Variants in RALYL observed in about 807,000 individuals in gnomAD.
The protein encoded by RALYL is RALY RNA binding protein like.
Under a neutral mutation model 35.1 loss-of-function variants are expected in RALYL, and 29 were observed. The observed-to-expected ratio is 0.83, with a 90% CI of 0.61 to 1.13. RALYL has a LOEUF of 1.13. Ranked by LOEUF, RALYL falls within the 50% of genes most tolerant of loss-of-function variation. RALYL has a pLI of 0.00. For synonymous variants in RALYL, 120 were observed against 127.6 expected (o/e 0.94, Z 0.40); for missense variants, 359 against 360.4 (o/e 1.00, Z 0.03).
intron 1 of RALYL, among the ~76,000 whole-genome samples, chr8:84,251,566 A>G (rs1200916227): frequency 6.6e-6 from 1 of 152,086 alleles, no homozygotes; most frequent in East Asian, 1.9e-4. Context: ...CCATTAAAAA[A>G]CATTCCACTT....
At chr8:84,697,554 G>T (rs1839389128) in intron 2 of RALYL, among the ~76,000 whole-genome samples, 2 of 151,964 alleles carry the variant, frequency 1.3e-5, no homozygotes, top group South Asian at 4.1e-4. Context: ...GGCTTTACTT[G>T]AATATCTTTA....
chr8:84,523,462 T>C (rs1269191570), intron 1 of RALYL, among the ~76,000 whole-genome samples: 2 of 152,192 alleles, frequency 1.3e-5, no homozygotes, highest in East Asian at 1.9e-4. Context: ...GGACAATCCA[T>C]ATCACCTGGG....
chr8:84,420,291 G>A (rs2132366052), intron 1 of RALYL, among the ~76,000 whole-genome samples: 1 of 152,178 alleles, frequency 6.6e-6, no homozygotes, highest in Non-Finnish European at 1.5e-5. Flanking sequence ...TTTCTCTGAT[G>A]GCCACTGATG....
chr8:84,915,350 C>G (rs1848301675), intron 8 of RALYL, among the ~76,000 whole-genome samples: 2 of 152,030 alleles, frequency 1.3e-5, no homozygotes, highest in Non-Finnish European at 2.9e-5. Context: ...CTGCCTTACT[C>G]TCTCTTGCCA....
chr8:84,238,627 C>T (rs182756974), intron 1 of RALYL, among the ~76,000 whole-genome samples: 4 of 152,068 alleles, frequency 2.6e-5, no homozygotes, highest in East Asian at 1.9e-4. Flanking sequence ...TCAGAGAGGG[C>T]GTTGACTGAG....
At chr8:84,254,158 C>A (rs1830775599) in intron 1 of RALYL, among the ~76,000 whole-genome samples, 1 of 152,190 alleles carries the variant, frequency 6.6e-6, no homozygotes, top group East Asian at 1.9e-4. Flanking sequence ...AGACCATGTT[C>A]CTTTTACCTC....
chr8:84,706,176 G>A (rs1380592629), intron 2 of RALYL: 2 of 973,820 alleles, frequency 2.1e-6, no homozygotes. Flanking sequence ...AAAAGATACT[G>A]TAGCTTTTCT....
At chr8:84,650,866 T>C (rs1828636268) in intron 2 of RALYL, among the ~76,000 whole-genome samples, 1 of 152,034 alleles carries the variant, frequency 6.6e-6, no homozygotes, top group Non-Finnish European at 1.5e-5. Context: ...ATGTGGCACA[T>C]ATACACCATG....
intron 4 of RALYL, among the ~76,000 whole-genome samples, chr8:84,823,925 C>T (rs1228101220): frequency 6.6e-6 from 1 of 152,090 alleles, no homozygotes; most frequent in Non-Finnish European, 1.5e-5. Context: ...CAGACAAAAA[C>T]TGGAAGCATT....
At chr8:84,343,934 A>C (rs1027726993) in intron 1 of RALYL, among the ~76,000 whole-genome samples, 2 of 151,868 alleles carry the variant, frequency 1.3e-5, no homozygotes, top group African/African-American at 4.8e-5. Context: ...AACTTATATA[A>C]AAGTTTAAAG....
chr8:84,840,018 A>G (rs1832868903), intron 4 of RALYL, among the ~76,000 whole-genome samples: 1 of 152,178 alleles, frequency 6.6e-6, no homozygotes, highest in Non-Finnish European at 1.5e-5. Flanking sequence ...AAGATGGGGA[A>G]AAAACAGAGC....
intron 4 of RALYL, chr8:84,829,335 A>C (rs978784243): frequency 6.6e-6 from 1 of 152,462 alleles, no homozygotes; most frequent in East Asian, 1.9e-4. Flanking sequence ...CAGCCAAACC[A>C]TATCATCAGT....
intron 1 of RALYL, among the ~76,000 whole-genome samples, chr8:84,322,422 C>A (rs1288188149): frequency 6.6e-6 from 1 of 152,088 alleles, no homozygotes; most frequent in South Asian, 2.1e-4. Context: ...TCTTACTGAG[C>A]TTTTACTGTA....
intron 1 of RALYL, among the ~76,000 whole-genome samples, chr8:84,195,779 G>A (rs1192658702): frequency 6.6e-6 from 1 of 151,892 alleles, no homozygotes; most frequent in African/African-American, 2.4e-5. Context: ...CAAGTGAGAG[G>A]AACAACAGCA....
chr8:84,424,180 G>C (rs948707202), intron 1 of RALYL, among the ~76,000 whole-genome samples: 17 of 149,878 alleles, frequency 1.1e-4, no homozygotes, highest in African/African-American at 3.4e-4. Context: ...ATCACTTTCA[G>C]GTACACCAAT....
chr8:84,221,685 T>A (rs1039029618), intron 1 of RALYL, among the ~76,000 whole-genome samples: 3 of 152,078 alleles, frequency 2.0e-5, no homozygotes, highest in Non-Finnish European at 4.4e-5. Context: ...GGAGTCCACG[T>A]GATATAAATG....
intron 7 of RALYL, among the ~76,000 whole-genome samples, chr8:84,881,091 G>A (rs541309609): frequency 6.6e-6 from 1 of 151,632 alleles, no homozygotes; most frequent in African/African-American, 2.4e-5. Flanking sequence ...AACAATCTAG[G>A]GTATTTCATG....
intron 1 of RALYL, among the ~76,000 whole-genome samples, chr8:84,218,001 T>C (rs752319997): frequency 1.3e-5 from 2 of 152,094 alleles, no homozygotes; most frequent in South Asian, 4.1e-4. Context: ...ATTTTTTTTC[T>C]TAGCATTTTC....
At chr8:84,346,657 C>G (rs892244299) in intron 1 of RALYL, among the ~76,000 whole-genome samples, 3 of 151,938 alleles carry the variant, frequency 2.0e-5, no homozygotes, top group Non-Finnish European at 4.4e-5. Flanking sequence ...TTAGTAGAGA[C>G]AGGGTTTCGC....
Sources: allele counts gnomAD v4.1 joint callset (sites outside exome capture counted in the v4.1 genomes callset), GRCh38; gene constraint gnomAD v4.1.1; transcripts MANE v1.5; gene names NCBI Gene and HGNC (gene_info 2026-07-23, HGNC 2026-07-21).